FMO5: variants seen among roughly 807,000 people sequenced by gnomAD.
FMO5 encodes the protein flavin containing dimethylaniline monoxygenase 5.
FMO5 carries 51 observed loss-of-function variants against 43.6 expected under a neutral mutation model. The ratio of observed to expected loss-of-function variants is 1.17; its 90% CI spans 0.93 to 1.48. FMO5 has a LOEUF of 1.48. Ranked by LOEUF, FMO5 falls within the 40% of genes most tolerant of loss-of-function variation. FMO5 has a pLI of 0.00. For missense variants in FMO5, 644 were observed against 643.0 expected, an observed-to-expected ratio of 1.00 and a Z score of -0.02; for synonymous variants, 187 against 216.5, an observed-to-expected ratio of 0.86 and a Z score of 1.20.
At chr1:147,216,192 G>A (rs1054839451) in intron 2 of FMO5, among the ~76,000 whole-genome samples, 2 of 152,114 alleles carry the variant, frequency 1.3e-5, no homozygotes, top group South Asian at 2.1e-4. Context: ...GTAGCCTTGC[G>A]GATTCTGCCT....
chr1:147,211,112 A>T (rs1661004023), intron 5 of FMO5: 1 of 152,168 alleles, frequency 6.6e-6, no homozygotes, highest in Non-Finnish European at 1.5e-5. Context: ...ATGCAGACAT[A>T]GTTTTCCTTT....
At chr1:147,188,693 G>A (rs144635868) in intron 8 of FMO5, among the ~76,000 whole-genome samples, 5,566 of 150,848 alleles carry the variant, frequency 0.037, 146 homozygotes, top group South Asian at 0.095. Flanking sequence ...AAACCTGCAC[G>A]TTGTACACAT....
At chr1:147,201,557 A>G (rs1658976741) in intron 6 of FMO5, 53 bp from the exon 7 acceptor site, 1 of 1,422,656 alleles carries the variant, frequency 7.0e-7, no homozygotes, top group African/African-American at 1.4e-5. Context: ...AGAAATCAGT[A>G]CCACATAAGT....
At chr1:147,203,766 T>C in intron 6 of FMO5, 1 of 1,535,660 alleles carries the variant, frequency 6.5e-7, no homozygotes, top group Non-Finnish European at 9.0e-7. Flanking sequence ...TCTACTGCCC[T>C]TTCTATGTCA....
chr1:147,208,769 G>A, intron 6 of FMO5, 83 bp downstream of exon 6: 2 of 1,135,762 alleles, frequency 1.8e-6, no homozygotes, highest in Non-Finnish European at 2.6e-6. Flanking sequence ...ATGGGTAGAG[G>A]TGGCTTTACT....
chr1:147,210,770 A>C (rs1255777873), intron 5 of FMO5: 3 of 152,198 alleles, frequency 2.0e-5, no homozygotes, highest in Non-Finnish European at 4.4e-5. Flanking sequence ...ATAAGTGCTT[A>C]ATGGCTGTCA....
At chr1:147,204,569 C>A (rs72708595) in intron 6 of FMO5, 48,953 of 1,588,262 alleles carry the variant, frequency 0.031, 1,140 homozygotes, top group South Asian at 0.089. Context: ...ACTGACAGGC[C>A]AATCCTCAGA....
At chr1:147,223,639 T>A (rs58276129) in intron 2 of FMO5, 2,624 of 156,346 alleles carry the variant, frequency 0.017, 78 homozygotes, top group African/African-American at 0.06. Context: ...AAGTTGTGAA[T>A]CCTCTGTTTG....
chr1:147,204,156 T>C (rs1553921711), intron 6 of FMO5: 1 of 1,120,132 alleles, frequency 8.9e-7, no homozygotes, highest in East Asian at 2.3e-5. Context: ...TCATCAGTCT[T>C]TATCAACACT....
At position 147,186,960 on chromosome 1, in the gene FMO5, C is replaced by T. The variant is rs1655724826; in HGVS notation, c.1542G>A (p.Met514Ile). 6.2e-7 allele frequency: 1 copy of T among 1,614,050 alleles called. No homozygotes were observed. The highest frequency in any genetic ancestry group is 8.5e-7 in the Non-Finnish European group (1 of 1,180,026). Residue 514 changes from methionine to isoleucine, a missense_variant, in exon 9 of 9, where the codon ATG becomes ATA. Met to Ile is a conservative substitution (Grantham distance 10, BLOSUM62 1). Coordinates refer to ENST00000254090, the MANE Select transcript of FMO5 (RefSeq NM_001461.4). Reference protein sequence around the residue: ...VERSSSMTSTMTIGKFMLALA... With the variant: ...VERSSSMTSTITIGKFMLALA... ...GAGCTAGCATAAACTTGCCTATTGTCATTGTTGAAGTCATAGAACTACTCC... is the reference window on the plus strand; with the variant it reads ...GAGCTAGCATAAACTTGCCTATTGTTATTGTTGAAGTCATAGAACTACTCC...
rs782120560 is a variant in FMO5 at position 147,213,332 on chromosome 1, G to A, written c.463C>T (p.His155Tyr). 1 of 1,611,108 alleles carries A rather than the reference G, an allele frequency of 6.2e-7. No individual in the cohort carries two copies. Among genetic ancestry groups the A allele is most frequent in the East Asian group, 2.2e-5 (1 of 44,780 alleles). Reference protein sequence around the residue: ...MVCTGHHTNAHLPLESFPGIE... With the variant: ...MVCTGHHTNAYLPLESFPGIE... ...CCAGGGAAGCTTTCCAGAGGTAGAT[G>A]AGCATTGGTGTGATGGCCAGTGCAA... Residue 155 changes from histidine (H) to tyrosine (Y), a missense_variant, in exon 4 of 9, where the codon CAT becomes TAT. His to Tyr is a moderately conservative substitution (Grantham distance 83). Coordinates refer to ENST00000254090, the MANE Select transcript of FMO5 (RefSeq NM_001461.4).
At chr1:147,212,292 A>G in intron 5 of FMO5, 101 bp downstream of exon 5, 2 of 1,210,428 alleles carry the variant, frequency 1.7e-6, no homozygotes, top group Non-Finnish European at 2.4e-6. Context: ...CTGAAGGGCT[A>G]TGTGCAGGTA....
Position 147,213,462 on chromosome 1 carries a change from C to T in FMO5, c.333G>A (p.Val111=), listed in dbSNP as rs782275583. 1 of 1,603,672 alleles carries T rather than the reference C, an allele frequency of 6.2e-7. No homozygotes were observed. The highest frequency in any genetic ancestry group is 1.1e-5 in the South Asian group (1 of 88,906). The change falls in exon 4 of 9, where the codon GTG becomes GTA. Residue 111 remains valine, a synonymous_variant. Coordinates refer to ENST00000254090, the MANE Select transcript of FMO5 (RefSeq NM_001461.4). ...AATCAGGCTGCTTCTTCACACTGCA[C>T]ACAGTGGTCTGAAAAGAAAAGTGAT... The part of the protein sequence containing the change: ...LLKYIRFKTT[V]CSVKKQPDFA...
At chr1:147,184,367 C>T, downstream of FMO5, 2 of 1,046,598 alleles carry the variant, frequency 1.9e-6, no homozygotes, top group East Asian at 3.1e-5. This position sits in a 1 kb window ranked among gnomAD's most constrained non-coding sequence, Gnocchi z 4.4. Context: ...TTTGTCACAA[C>T]TAATAAACCA....
At position 147,193,556 on chromosome 1, in the gene FMO5, A is replaced by T. The variant is rs148427056; in HGVS notation, c.1184-3307T>A. Among the ~76,000 whole-genome samples the T allele has an allele frequency of 2.3e-3, 353 of 152,098 alleles. 4 individuals carry two copies. In the East Asian group the frequency reaches 0.045, roughly 20 times the overall value. ...TTTCTTGCCTTCTTCTAGCTTTTGA[A>T]TGTGTTTGCTCTTGCTTTTCTAGTT... On this transcript the variant is annotated intron_variant, in intron 7 of 8. Coordinates refer to ENST00000254090, the MANE Select transcript of FMO5 (RefSeq NM_001461.4).
downstream of FMO5, chr1:147,184,676 C>A (rs1553916725): frequency 1.4e-6 from 2 of 1,448,752 alleles, no homozygotes; most frequent in Admixed American, 2.7e-5. This position sits in a 1 kb window ranked among gnomAD's most constrained non-coding sequence, Gnocchi z 4.4. Flanking sequence ...GGTAAAGTGG[C>A]CTTCTCATCA....
upstream of FMO5, among the ~76,000 whole-genome samples, chr1:147,226,549 C>T (rs1559687362): frequency 6.6e-6 from 1 of 152,132 alleles, no homozygotes; most frequent in Non-Finnish European, 1.5e-5. Flanking sequence ...ACCAATATAA[C>T]AGATACAAGA....
intron 7 of FMO5, among the ~76,000 whole-genome samples, chr1:147,200,161 A>T (rs12027579): frequency 0.06 from 9,078 of 152,170 alleles, 653 homozygotes; most frequent in East Asian, 0.17. Flanking sequence ...GCTGATAGGA[A>T]AAAGGTTTTG....
intron 1 of FMO5, 103 bp from the exon 2 acceptor site, chr1:147,225,169 TGAG>T: frequency 6.6e-7 from 1 of 1,509,628 alleles, no homozygotes; most frequent in South Asian, 1.3e-5. Context: ...AGAGGTGTCT[TGAG>T]GAGGACAGAT....
Sources: gnomAD v4.1 joint callset for allele counts (sites outside exome capture counted in the v4.1 genomes callset) on GRCh38, gnomAD v4.1.1 for gene constraint, Gnocchi (gnomAD v3.1) non-coding constraint, MANE v1.5 for transcripts, NCBI Gene and HGNC (gene_info 2026-07-23, HGNC 2026-07-21) for gene names.